The following SEC63 variants were observed in gnomAD, a reference collection of about 807,000 sequenced individuals.
SEC63 encodes the protein translocation protein SEC63 homolog.
Under a neutral mutation model 116.2 loss-of-function variants are expected in SEC63, and 56 were observed. The ratio of observed to expected loss-of-function variants is 0.48; its 90% CI spans 0.39 to 0.60. The LOEUF is 0.60. Ranked by LOEUF, SEC63 falls within the 20% of genes least tolerant of loss-of-function variation. SEC63 has a pLI of 0.00. For missense variants in SEC63, 668 were observed against 900.0 expected, an observed-to-expected ratio of 0.74 and a Z score of 3.30; for synonymous variants, 273 against 294.6, an observed-to-expected ratio of 0.93 and a Z score of 0.75.
rs1052781913 is a variant in SEC63 at position 107,917,682 on chromosome 6, G to C, written c.452+4115C>G. 5.3e-4 allele frequency among the ~76,000 whole-genome samples: 80 copies of C among 152,322 alleles called. 2 individuals are homozygous for C. The highest frequency in any genetic ancestry group is 4.4e-3 in the Admixed American group (68 of 15,296). On this transcript the variant is annotated intron_variant, in intron 4 of 20. Coordinates refer to ENST00000369002, the MANE Select transcript of SEC63 (RefSeq NM_007214.5). ...TGTTGCTGATTTGAAGAATGTTTCA[G>C]TGGTCTCGACAGAAGATCAAACTAC...
At chr6:107,881,290 G>A in intron 17 of SEC63, 40 bp from the exon 18 acceptor site, 1 of 1,330,222 alleles carries the variant, frequency 7.5e-7, no homozygotes, top group Non-Finnish European at 1.1e-6. Flanking sequence ...AATCTAGTAT[G>A]TGTTTTATCA....
At chr6:107,897,994 G>C (rs999654202) in intron 13 of SEC63, among the ~76,000 whole-genome samples, 3 of 152,146 alleles carry the variant, frequency 2.0e-5, no homozygotes, top group Admixed American at 6.6e-5. Flanking sequence ...GCCAGGCTTG[G>C]TGGCTCATGC....
At chr6:107,902,348 TTG>T (rs1787025032) in intron 12 of SEC63, among the ~76,000 whole-genome samples, 1 of 152,180 alleles carries the variant, frequency 6.6e-6, no homozygotes, top group South Asian at 2.1e-4. Flanking sequence ...CCTACTAGAA[TTG>T]TAACTTCAGT....
At chr6:107,920,425 CAAAAAAAAAAAA>C (rs34816965) in intron 4 of SEC63, among the ~76,000 whole-genome samples, 1 of 73,392 alleles carries the variant, frequency 1.4e-5, no homozygotes, top group Non-Finnish European at 2.4e-5. Context: ...GACTCCGTCT[CAAAAAAAAAAAA>C]AAAAAAAAAA....
intron 11 of SEC63, among the ~76,000 whole-genome samples, chr6:107,904,400 A>T (rs1048227856): frequency 6.6e-6 from 1 of 150,796 alleles, no homozygotes; most frequent in African/African-American, 2.4e-5. Context: ...ACAAAGCAAG[A>T]CTCCATCTCA....
chr6:107,913,843 TAC>T (rs1255161014), intron 4 of SEC63, among the ~76,000 whole-genome samples: 1 of 152,214 alleles, frequency 6.6e-6, no homozygotes, highest in Non-Finnish European at 1.5e-5. Context: ...TAATGATAAA[TAC>T]ACATTTTTTA....
At chr6:107,939,214 T>C (rs1770318993) in intron 1 of SEC63, among the ~76,000 whole-genome samples, 1 of 152,084 alleles carries the variant, frequency 6.6e-6, no homozygotes, top group African/African-American at 2.4e-5. Context: ...GCCCAGCAGT[T>C]CGAGGCTGTA....
At chr6:107,908,269 TAAC>T (rs1787188163) in intron 8 of SEC63, among the ~76,000 whole-genome samples, 1 of 152,182 alleles carries the variant, frequency 6.6e-6, no homozygotes, top group Non-Finnish European at 1.5e-5. Context: ...TTCTGAAAGG[TAAC>T]ACTCTATCTC....
chr6:107,942,654 A>G (rs1583775586), intron 1 of SEC63, among the ~76,000 whole-genome samples: 1 of 152,228 alleles, frequency 6.6e-6, no homozygotes, highest in Non-Finnish European at 1.5e-5. Context: ...TGCAGTCACA[A>G]ATCTGCATAT....
At chr6:107,878,059 CCACT>C (rs1786322044) in intron 18 of SEC63, among the ~76,000 whole-genome samples, 1 of 152,152 alleles carries the variant, frequency 6.6e-6, no homozygotes, top group African/African-American at 2.4e-5. Flanking sequence ...TCTGTTGCGG[CCACT>C]CAAATCTGCC....
intron 18 of SEC63, 178 bp from the exon 19 acceptor site, chr6:107,876,840 T>C (rs1450777760): frequency 3.5e-6 from 2 of 578,878 alleles, no homozygotes; most frequent in Non-Finnish European, 6.1e-6. Flanking sequence ...TTAACATTTG[T>C]AGATCCATTG....
chr6:107,883,031 G>T lies in SEC63; in HGVS notation c.1790C>A (p.Ser597Tyr). 1.9e-6 allele frequency: 3 copies of T among 1,612,712 alleles called. No individual in the cohort carries two copies. The African/African-American group carries it at 4.0e-5, about 22-fold the overall frequency. Residue 597 changes from serine (S) to tyrosine (Y), a missense_variant, in exon 17 of 21, where the codon TCT (serine) becomes TAT (tyrosine). Physicochemically the swap from Ser to Tyr is moderately radical, Grantham distance 144. Coordinates refer to ENST00000369002, the MANE Select transcript of SEC63 (RefSeq NM_007214.5). ...TTGTTTTTCATCTTGCTCTCTATCAGAGTCTCTGTCACTACCATCATCTTT... is the reference window on the plus strand; with the variant it reads ...TTGTTTTTCATCTTGCTCTCTATCATAGTCTCTGTCACTACCATCATCTTT... ...SEKDDGSDRD[S>Y]DREQDEKQNK...
intron 11 of SEC63, 81 bp downstream of exon 11, chr6:107,904,548 C>T: frequency 9.3e-7 from 1 of 1,072,862 alleles, no homozygotes; most frequent in Non-Finnish European, 1.5e-6. Flanking sequence ...TCTGAGTACC[C>T]ATAAATCCTA....
chr6:107,941,987 T>C (rs149167682), intron 1 of SEC63, among the ~76,000 whole-genome samples: 121 of 152,366 alleles, frequency 7.9e-4, no homozygotes, highest in East Asian at 6.6e-3. Flanking sequence ...GCATTAGCAG[T>C]AATTTTTAAT....
intron 1 of SEC63, among the ~76,000 whole-genome samples, chr6:107,929,812 A>C (rs1272499252): frequency 6.6e-6 from 1 of 152,240 alleles, no homozygotes; most frequent in East Asian, 1.9e-4. Flanking sequence ...TATAATCAGT[A>C]ATTTCTGGGA....
At chr6:107,918,165 T>C (rs2744223) in intron 4 of SEC63, among the ~76,000 whole-genome samples, 13,867 of 151,436 alleles carry the variant, frequency 0.092, 2,092 homozygotes, top group African/African-American at 0.31. Flanking sequence ...GCTCTATAAA[T>C]AGAACAACAA....
intron 7 of SEC63, chr6:107,909,275 A>G: frequency 2.4e-6 from 1 of 408,876 alleles, no homozygotes; most frequent in Non-Finnish European, 4.6e-6. Flanking sequence ...CTGCTCAGGA[A>G]GCTGAGGTGG....
chr6:107,957,950 G>A lies in SEC63; in HGVS notation c.60C>T (p.Thr20=), dbSNP rs993969767. ...DSGNTFFYFL[T]SFVGLIVIPA... ...GGATCACGATGAGCCCCACGAAGGA[G>A]GTGAGGAAGTAGAAGAAGGTGTTCC... is the stretch of plus-strand genomic sequence containing the variant. Residue 20 remains threonine (T), a synonymous_variant, in exon 1 of 21, where the codon ACC becomes ACT. Coordinates refer to ENST00000369002, the MANE Select transcript of SEC63 (RefSeq NM_007214.5). The A allele has an allele frequency of 1.2e-6, 2 of 1,613,480 alleles. No homozygotes were observed. Among genetic ancestry groups the A allele is most frequent in the Non-Finnish European group, 1.7e-6 (2 of 1,179,616 alleles).
chr6:107,874,366 G>A (rs539678647), intron 19 of SEC63, among the ~76,000 whole-genome samples: 6 of 152,168 alleles, frequency 3.9e-5, no homozygotes, highest in South Asian at 2.1e-4. Context: ...AGGCCAAGGC[G>A]GGCGGATCAC....
Sources: allele counts gnomAD v4.1 joint callset (sites outside exome capture counted in the v4.1 genomes callset), GRCh38; gene constraint gnomAD v4.1.1; transcripts MANE v1.5; gene names NCBI Gene and HGNC (gene_info 2026-07-23, HGNC 2026-07-21).